The following CAMTA1 variants were observed in gnomAD, a reference collection of about 807,000 sequenced individuals.
CAMTA1 encodes the protein calmodulin binding transcription activator 1, also known as calmodulin-binding transcription activator 1.
A neutral mutation model predicts 170.9 loss-of-function variants in CAMTA1; 27 were observed. The observed-to-expected ratio is 0.16, with a 90% CI of 0.12 to 0.22. The LOEUF (loss-of-function observed/expected upper bound fraction) is 0.22, where lower values mean the gene tolerates loss of function less well. CAMTA1 is among the 10% of genes least tolerant of loss of function. The pLI, the probability that CAMTA1 is intolerant of heterozygous loss-of-function variation, is 1.00. For missense variants in CAMTA1, 1,619 were observed against 2,217.2 expected, an observed-to-expected ratio of 0.73 and a Z score of 5.42; for synonymous variants, 833 against 891.5, an observed-to-expected ratio of 0.93 and a Z score of 1.17.
At chr1:7,586,665 C>G (rs902874134) in intron 6 of CAMTA1, among the ~76,000 whole-genome samples, 1 of 152,138 alleles carries the variant, frequency 6.6e-6, no homozygotes, top group African/African-American at 2.4e-5. Context: ...AGCATACCCC[C>G]GCCTGGGCAC....
chr1:7,769,506 G>A lies in CAMTA1; in HGVS notation c.*3015G>A, dbSNP rs1394535784. 6.5e-6 allele frequency: 1 copy of A among 152,748 alleles called. No individual in the cohort carries two copies. Among genetic ancestry groups the A allele is most frequent in the Non-Finnish European group, 1.5e-5 (1 of 68,038 alleles). 9.5% of individuals were successfully genotyped at this position (152,748 alleles called of 1,614,324 possible). On this transcript the variant is annotated 3_prime_UTR_variant, in exon 23 of 23. Coordinates refer to ENST00000303635, the MANE Select transcript of CAMTA1 (RefSeq NM_015215.4). Reference sequence around the variant, plus strand: ...TCCCTGAGACTTGCATGTAAAACTAGTCTAGATGTCTTCTTTTTTTGTAAG... The same window carrying A: ...TCCCTGAGACTTGCATGTAAAACTAATCTAGATGTCTTCTTTTTTTGTAAG...
At chr1:7,626,431 C>G (rs1007418380) in intron 6 of CAMTA1, among the ~76,000 whole-genome samples, 2 of 152,204 alleles carry the variant, frequency 1.3e-5, no homozygotes, top group African/African-American at 4.8e-5. Context: ...GCCCTGCCAT[C>G]ACTACCACCA....
At position 7,744,854 on chromosome 1, in the gene CAMTA1, C is replaced by G; in HGVS notation, c.4202C>G (p.Ala1401Gly). 1 of 1,613,412 alleles carries G rather than the reference C, an allele frequency of 6.2e-7. No individual in the cohort carries two copies. Among genetic ancestry groups the G allele is most frequent in the Non-Finnish European group, 8.5e-7 (1 of 1,179,654 alleles). Reference sequence around the variant, plus strand: ...CTTCAGGTGAACATGATGACCTTGGCAGAACACATTATTGAAGCCACACCT... The same window carrying G: ...CTTCAGGTGAACATGATGACCTTGGGAGAACACATTATTGAAGCCACACCT... Reference protein sequence around the residue: ...DDIQVNMMTLAEHIIEATPDR... With the variant: ...DDIQVNMMTLGEHIIEATPDR... Residue 1401 changes from alanine (A) to glycine (G), a missense_variant, in exon 17 of 23, where the codon GCA (alanine) becomes GGA (glycine). Ala to Gly is a moderately conservative substitution (Grantham distance 60). Coordinates refer to ENST00000303635, the MANE Select transcript of CAMTA1 (RefSeq NM_015215.4).
intron 4 of CAMTA1, among the ~76,000 whole-genome samples, chr1:7,225,354 G>C (rs1661511397): frequency 6.6e-6 from 1 of 152,154 alleles, no homozygotes; most frequent in African/African-American, 2.4e-5. Flanking sequence ...AAAGTGTTGG[G>C]ATTACAGGCG....
At position 6,887,559 on chromosome 1, in the gene CAMTA1, C is replaced by T; in HGVS notation, c.234+62349C>T. 1 of 1,507,910 alleles carries T rather than the reference C, an allele frequency of 6.6e-7. No homozygotes were observed. The highest frequency in any genetic ancestry group is 8.8e-7 in the Non-Finnish European group (1 of 1,132,232). 93.4% of individuals were successfully genotyped at this position (1,507,910 alleles called of 1,614,324 possible). On this transcript the variant is annotated intron_variant, in intron 3 of 22. Coordinates refer to ENST00000303635, the MANE Select transcript of CAMTA1 (RefSeq NM_015215.4). The surrounding 1 kb of genome is among the most constrained non-coding windows in gnomAD (Gnocchi z 4.1). ...TTTGCCTTTACCCAGATGTCTCCTCCTCTCTCTGCCTCTGGAAATGGGGCA... is the reference window on the plus strand; with the variant it reads ...TTTGCCTTTACCCAGATGTCTCCTCTTCTCTCTGCCTCTGGAAATGGGGCA...
rs1208001659 is a variant in CAMTA1 at position 7,443,378 on chromosome 1, A to G, written c.439-24452A>G. ...TACTTGTTGAGTTAGTAGATGCTGC[A>G]TCAAGGTGGCCTTGGGAGCACGTGG... On this transcript the variant is annotated intron_variant, in intron 5 of 22. Coordinates refer to ENST00000303635, the MANE Select transcript of CAMTA1 (RefSeq NM_015215.4). This position sits in a 1 kb window ranked among gnomAD's most constrained non-coding sequence, Gnocchi z 4.1. Among the ~76,000 whole-genome samples, 1 of 152,212 alleles carries G rather than the reference A, an allele frequency of 6.6e-6. No homozygotes were observed. Among genetic ancestry groups the G allele is most frequent in the Non-Finnish European group, 1.5e-5 (1 of 68,036 alleles).
intron 5 of CAMTA1, among the ~76,000 whole-genome samples, chr1:7,384,264 G>A (rs1485530080): frequency 1.3e-5 from 2 of 152,234 alleles, no homozygotes; most frequent in African/African-American, 2.4e-5. Context: ...AGGTTTGAAA[G>A]TGGCCGCAGC....
intron 3 of CAMTA1, among the ~76,000 whole-genome samples, chr1:6,888,480 G>GTCATGTCTGTCTGTCTGTCATGTC (rs1405297004): frequency 2.0e-5 from 3 of 152,184 alleles, no homozygotes; most frequent in African/African-American, 7.2e-5. Flanking sequence ...CATGTCTCTG[G>GTCATGTCTGTCTGTCTGTCATGTC]AATACTGTAA....
intron 3 of CAMTA1, among the ~76,000 whole-genome samples, chr1:6,873,246 T>G (rs1668899265): frequency 6.6e-6 from 1 of 151,954 alleles, no homozygotes; most frequent in Admixed American, 6.6e-5. Context: ...CCTGGAATTT[T>G]AAGGTGATTT....
intron 3 of CAMTA1, among the ~76,000 whole-genome samples, chr1:6,850,598 T>C (rs1257918913): frequency 6.6e-6 from 1 of 152,220 alleles, no homozygotes; most frequent in African/African-American, 2.4e-5. Flanking sequence ...ACAAAATTTA[T>C]GTGAAGGAAA....
chr1:7,001,501 T>C (rs1350205559), intron 3 of CAMTA1, among the ~76,000 whole-genome samples: 1 of 152,258 alleles, frequency 6.6e-6, no homozygotes, highest in African/African-American at 2.4e-5. Context: ...GAATATACAT[T>C]ATCAGTCCTG....
chr1:7,423,395 G>A (rs1044992772), intron 5 of CAMTA1, among the ~76,000 whole-genome samples: 8 of 151,236 alleles, frequency 5.3e-5, no homozygotes, highest in East Asian at 3.9e-4. Flanking sequence ...GCTTGAACCC[G>A]GAGGCAGAGG....
rs1353760014 is a variant in CAMTA1 at position 6,995,285 on chromosome 1, T to TTTTTC, written c.235-96009_235-96005dup. 4.5e-3 allele frequency among the ~76,000 whole-genome samples: 625 copies of TTTTTC among 139,960 alleles called. 3 individuals carry two copies. Among genetic ancestry groups the TTTTTC allele is most frequent in the South Asian group, 0.011 (46 of 4,088 alleles). 91.8% of individuals were successfully genotyped at this position (139,960 alleles called of 152,430 possible). ...TTACTTTAGATCCTTTAAAATCTTTTTTTTCTTTTCTTTTTTTTTTTTTTT... is the reference window on the plus strand; with the variant it reads ...TTACTTTAGATCCTTTAAAATCTTTTTTTTCTTTTCTTTTCTTTTTTTTTTTTTTT... On this transcript the variant is annotated intron_variant, in intron 3 of 22. Coordinates refer to ENST00000303635, the MANE Select transcript of CAMTA1 (RefSeq NM_015215.4).
intron 6 of CAMTA1, among the ~76,000 whole-genome samples, chr1:7,640,073 G>A (rs116435720): frequency 8.5e-4 from 130 of 152,318 alleles, no homozygotes; most frequent in African/African-American, 2.5e-3. Context: ...ATCAGCTTAT[G>A]TGTAGGTCAG....
chr1:6,847,954 G>C (rs952683946), intron 3 of CAMTA1, among the ~76,000 whole-genome samples: 3 of 148,818 alleles, frequency 2.0e-5, no homozygotes, highest in African/African-American at 7.5e-5. Flanking sequence ...CTCGTAATCT[G>C]CCTGCCTCAG....
rs1299108406 is a variant in CAMTA1 at position 7,276,346 on chromosome 1, G to T, written c.438+26720G>T. On this transcript the variant is annotated intron_variant, in intron 5 of 22. Coordinates refer to ENST00000303635, the MANE Select transcript of CAMTA1 (RefSeq NM_015215.4). Reference sequence around the variant, plus strand: ...TCTTTTTGAGACAGAATCTTGCTCTGTCACCCAGGCTGGAGTGCAATGGTG... The same window carrying T: ...TCTTTTTGAGACAGAATCTTGCTCTTTCACCCAGGCTGGAGTGCAATGGTG... Among the ~76,000 whole-genome samples the T allele has an allele frequency of 2.9e-5, 3 of 103,202 alleles. No homozygotes were observed. In the Admixed American group the frequency reaches 3.2e-4, roughly 11 times the overall value. 67.7% of individuals were successfully genotyped at this position (103,202 alleles called of 152,430 possible). A position where few individuals can be genotyped will look rare whatever the true frequency, so the allele number is the denominator to read the frequency against.
intron 6 of CAMTA1, among the ~76,000 whole-genome samples, chr1:7,607,118 A>AGGATGGATGGATGGAT (rs749176148): frequency 6.7e-6 from 1 of 149,562 alleles, no homozygotes; most frequent in African/African-American, 2.5e-5. Flanking sequence ...GGTAGATGGA[A>AGGATGGATGGATGGAT]GGATGGATGG....
intron 5 of CAMTA1, among the ~76,000 whole-genome samples, chr1:7,337,501 G>C (rs2083462886): frequency 1.6e-4 from 1 of 6,116 alleles, no homozygotes; most frequent in African/African-American, 6.6e-4. Context: ...TCCAATCACA[G>C]TGTGGGCCGT....
At chr1:6,997,656 CTTTCTTT>C (rs1265568790) in intron 3 of CAMTA1, among the ~76,000 whole-genome samples, 1 of 128,412 alleles carries the variant, frequency 7.8e-6, no homozygotes, top group Non-Finnish European at 1.6e-5. Flanking sequence ...CCTTTCTTTT[CTTTCTTT>C]TTTTTTTTTT....
Sources: gnomAD v4.1 joint callset for allele counts (sites outside exome capture counted in the v4.1 genomes callset) on GRCh38, gnomAD v4.1.1 for gene constraint, Gnocchi (gnomAD v3.1) non-coding constraint, MANE v1.5 for transcripts, NCBI Gene and HGNC (gene_info 2026-07-23, HGNC 2026-07-21) for gene names.